CEP68: variants seen among roughly 807,000 people sequenced by gnomAD.
The protein encoded by CEP68 is centrosomal protein 68, also known as centrosomal protein of 68 kDa.
Under a neutral mutation model 55.3 loss-of-function variants are expected in CEP68, and 26 were observed. The ratio of observed to expected loss-of-function variants is 0.47; its 90% confidence interval spans 0.34 to 0.65. The LOEUF is 0.65. CEP68 is among the 30% of genes least tolerant of loss of function. The pLI is 0.01. For missense variants in CEP68, 957 were observed against 946.7 expected, an observed-to-expected ratio of 1.01 and a Z score of -0.14; for synonymous variants, 402 against 383.2, an observed-to-expected ratio of 1.05 and a Z score of -0.57.
In CEP68 at chr2:65,085,310, A is replaced by G. The variant is rs1367833323; in HGVS notation, c.*1676A>G. 5 of 152,168 alleles carry G rather than the reference A, an allele frequency of 3.3e-5. No homozygotes were observed. The highest frequency in any genetic ancestry group is 2.0e-4 in the Admixed American group (3 of 15,278). The allele number at this position is 152,168 out of a possible 1,614,324, so 9.4% of individuals were successfully genotyped here. On this transcript the variant is annotated 3_prime_UTR_variant, in exon 7 of 7. Coordinates refer to ENST00000377990, the MANE Select transcript of CEP68 (RefSeq NM_015147.3). ...TAATAATCAGCTTCAACTGACAGGA[A>G]TTTGCACAGAATGTTACACAATACC...
chr2:65,058,704 G>T (rs942051684), intron 1 of CEP68, among the ~76,000 whole-genome samples: 2 of 151,456 alleles, frequency 1.3e-5, no homozygotes, highest in Non-Finnish European at 2.9e-5. Context: ...ACAGGGTTTC[G>T]CCATGTTGTC....
intron 1 of CEP68, among the ~76,000 whole-genome samples, chr2:65,065,272 ATG>A (rs1235362453): frequency 2.0e-5 from 3 of 152,260 alleles, no homozygotes; most frequent in African/African-American, 7.2e-5. Flanking sequence ...GCCAGCACAA[ATG>A]TGTGTGCATA....
chr2:65,082,543 G>T lies in CEP68; in HGVS notation c.2112G>T (p.Glu704Asp). The part of the protein sequence containing the change: ...QCLLENTPVL[E>D]DVLGRIAKQS... ...TTTGAACCTCATTGTTAGTTTTAGA[G>T]GATGTCCTTGGGAGGATCGCAAAGC... The change falls in exon 6 of 7, where the codon GAG (glutamate) becomes GAT (aspartate). Residue 704 changes from glutamate to aspartate, a missense_variant. Transcript: ENST00000377990. 6.4e-7 allele frequency: 1 copy of T among 1,551,522 alleles called. No homozygotes were observed. The highest frequency in any genetic ancestry group is 2.2e-5 in the Admixed American group (1 of 45,624).
chr2:65,072,661 C>T lies in CEP68; in HGVS notation c.1565C>T (p.Ser522Leu), dbSNP rs994502905. 1.2e-6 allele frequency: 2 copies of T among 1,614,170 alleles called. No homozygotes were observed. Among genetic ancestry groups the T allele is most frequent in the African/African-American group, 2.7e-5 (2 of 75,054 alleles). ...AAAGGGCAGAGCCCCTTGGAAGTGT[C>T]AGACAGTGATGGGCCAGCTTCCTTC... is the stretch of plus-strand genomic sequence containing the variant. ...DIKGQSPLEV[S>L]DSDGPASFPS... is the part of the protein sequence containing the mutation. The change falls in exon 3 of 7, where the codon TCA (serine) becomes TTA (leucine). Residue 522 changes from serine to leucine, a missense_variant. Coordinates refer to ENST00000377990, the MANE Select transcript of CEP68 (RefSeq NM_015147.3).
intron 1 of CEP68, among the ~76,000 whole-genome samples, chr2:65,062,606 C>T (rs988936286): frequency 6.7e-6 from 1 of 149,312 alleles, no homozygotes; most frequent in Non-Finnish European, 1.5e-5. Context: ...GAGGCCTAGG[C>T]GGGTGGATTG....
At chr2:65,074,184 C>CA (rs1173123983) in intron 3 of CEP68, 98 bp from the exon 4 acceptor site, 2 of 1,436,742 alleles carry the variant, frequency 1.4e-6, no homozygotes, top group Non-Finnish European at 1.9e-6. Context: ...TGAAGGTGCA[C>CA]AGTCTGTCTC....
At position 65,072,899 on chromosome 2, in the gene CEP68, A is replaced by G. The variant is rs1251557786; in HGVS notation, c.1803A>G (p.Pro601=). The G allele has an allele frequency of 1.9e-6, 3 of 1,614,220 alleles. No homozygotes were observed. Among genetic ancestry groups the G allele is most frequent in the Non-Finnish European group, 2.5e-6 (3 of 1,180,032 alleles). Residue 601 remains proline (P), a synonymous_variant, in exon 3 of 7, where the codon CCA becomes CCG. Transcript: ENST00000377990. ...TGCCAGCTAGGTTGGACCGGTGGCC[A>G]TTCTCAGACCCAGATGTTGAAGGGC... ...PSLPARLDRW[P]FSDPDVEGQL...
At chr2:65,077,579 G>A (rs890688271) in intron 4 of CEP68, among the ~76,000 whole-genome samples, 2 of 152,204 alleles carry the variant, frequency 1.3e-5, no homozygotes, top group South Asian at 2.1e-4. Flanking sequence ...AGGTGAGGGC[G>A]CTAGAAGGAG....
intron 5 of CEP68, 86 bp from the exon 6 acceptor site, chr2:65,082,450 C>A: frequency 1.6e-6 from 2 of 1,244,052 alleles, no homozygotes; most frequent in Non-Finnish European, 1.1e-6. Flanking sequence ...AATACTATAC[C>A]CTTGTATGTT....
intron 1 of CEP68, among the ~76,000 whole-genome samples, chr2:65,060,098 G>GA (rs955868356): frequency 9.3e-5 from 14 of 149,866 alleles, no homozygotes; most frequent in Admixed American, 2.7e-4. Flanking sequence ...CACATGGAGT[G>GA]AAAAAAAAAT....
In CEP68 at chr2:65,072,322, C is replaced by T; in HGVS notation, c.1226C>T (p.Ala409Val). The change falls in exon 3 of 7, where the codon GCT (alanine) becomes GTT (valine). Residue 409 changes from alanine to valine, a missense_variant. Transcript: ENST00000377990. Reference sequence around the variant, plus strand: ...CCCAGAGCCCCAGGCAGTAGGGATGCTCGTTGGGAGCGCAGAGAGCCAGCC... The same window carrying T: ...CCCAGAGCCCCAGGCAGTAGGGATGTTCGTTGGGAGCGCAGAGAGCCAGCC... The part of the protein sequence containing the change: ...STPRAPGSRD[A>V]RWERREPALR... The T allele has an allele frequency of 6.2e-7, 1 of 1,614,012 alleles. No individual in the cohort carries two copies. Among genetic ancestry groups the T allele is most frequent in the Non-Finnish European group, 8.5e-7 (1 of 1,180,018 alleles).
At chr2:65,063,842 C>T (rs1676025751) in intron 1 of CEP68, among the ~76,000 whole-genome samples, 1 of 152,294 alleles carries the variant, frequency 6.6e-6, no homozygotes, top group South Asian at 2.1e-4. Context: ...AAGTTTTCCC[C>T]TATTATTTTT....
At chr2:65,064,735 A>G (rs1399024036) in intron 1 of CEP68, among the ~76,000 whole-genome samples, 1 of 147,920 alleles carries the variant, frequency 6.8e-6, no homozygotes, top group Non-Finnish European at 1.5e-5. Flanking sequence ...CTCCGTCTCA[A>G]AAAAAAAAAA....
chr2:65,080,597 C>G (rs894967745), intron 5 of CEP68: 27 of 935,646 alleles, frequency 2.9e-5, no homozygotes, highest in Non-Finnish European at 3.2e-5. Context: ...GCGGGCAGAT[C>G]ACCTGAGGGC....
chr2:65,071,417 T>A, intron 2 of CEP68, 37 bp from the exon 3 acceptor site: 3 of 1,558,206 alleles, frequency 1.9e-6, no homozygotes, highest in Non-Finnish European at 2.6e-6. Context: ...GGGTTTGATT[T>A]TTACCCAAGT....
chr2:65,057,083 C>G (rs984206781), intron 1 of CEP68, among the ~76,000 whole-genome samples: 1 of 152,222 alleles, frequency 6.6e-6, no homozygotes, highest in African/African-American at 2.4e-5. Flanking sequence ...GGAGGGCTAC[C>G]CTTTCTAACT....
intron 5 of CEP68, among the ~76,000 whole-genome samples, chr2:65,081,211 C>CAA (rs3052193): frequency 5.6e-5 from 8 of 143,012 alleles, no homozygotes; most frequent in African/African-American, 1.8e-4. Context: ...GACTCCATCT[C>CAA]AAAAAAAAAA....
At chr2:65,078,922 C>A (rs1015144848) in intron 5 of CEP68, among the ~76,000 whole-genome samples, 1 of 152,198 alleles carries the variant, frequency 6.6e-6, no homozygotes, top group Non-Finnish European at 1.5e-5. Flanking sequence ...TCTAAGCATG[C>A]TGGGTGCCAA....
intron 1 of CEP68, among the ~76,000 whole-genome samples, chr2:65,063,011 G>A (rs1490905287): frequency 1.3e-5 from 2 of 152,186 alleles, no homozygotes; most frequent in Non-Finnish European, 2.9e-5. Context: ...GAGGAAGCCC[G>A]GCAGCTGTGA....
Sources: allele counts gnomAD v4.1 joint callset (sites outside exome capture counted in the v4.1 genomes callset), GRCh38; gene constraint gnomAD v4.1.1; transcripts MANE v1.5; gene names NCBI Gene and HGNC (gene_info 2026-07-23, HGNC 2026-07-21).